ASPG: variants seen among roughly 807,000 people sequenced by gnomAD.
The protein encoded by ASPG is 60 kDa lysophospholipase.
Under a neutral mutation model 63.2 loss-of-function variants are expected in ASPG, and 53 were observed. The ratio of observed to expected loss-of-function variants is 0.84; its 90% CI spans 0.67 to 1.05. The LOEUF (loss-of-function observed/expected upper bound fraction) is 1.05. Ranked by LOEUF, ASPG falls within the 50% of genes least tolerant of loss-of-function variation. The pLI is 0.00. For missense variants in ASPG, 741 were observed against 794.4 expected (o/e 0.93, Z 0.81); for synonymous variants, 370 against 355.0 (o/e 1.04, Z -0.48).
chr14:104,094,784 C>T (rs918888008), intron 3 of ASPG, among the ~76,000 whole-genome samples: 4 of 152,234 alleles, frequency 2.6e-5, no homozygotes, highest in African/African-American at 9.6e-5. Context: ...AAGGCCTTCT[C>T]GGCTCAGGTG....
chr14:104,086,119 C>T (rs1388895839), intron 1 of ASPG, among the ~76,000 whole-genome samples: 1 of 152,174 alleles, frequency 6.6e-6, no homozygotes, highest in African/African-American at 2.4e-5. Context: ...CCTGTGCTGC[C>T]GCTGCGCCCC....
intron 1 of ASPG, among the ~76,000 whole-genome samples, chr14:104,087,240 GAATGGAACAAAGTCATTCACAGCT>G (rs2036245986): frequency 6.6e-6 from 1 of 152,234 alleles, no homozygotes; most frequent in Non-Finnish European, 1.5e-5. Context: ...TTCTGCCTGT[GAATGGAACAAAGTCATTCACAGCT>G]TGGCAAACGC....
chr14:104,100,322 T>C (rs1566832722), intron 6 of ASPG, among the ~76,000 whole-genome samples: 1 of 151,688 alleles, frequency 6.6e-6, no homozygotes, highest in Admixed American at 6.6e-5. Context: ...TGTGGGGCCG[T>C]CAGCAGAAGC....
intron 6 of ASPG, among the ~76,000 whole-genome samples, chr14:104,100,555 C>T (rs954926006): frequency 1.3e-5 from 2 of 152,150 alleles, no homozygotes; most frequent in Non-Finnish European, 2.9e-5. Flanking sequence ...CACCCCGTCC[C>T]TTCTTCCTGC....
At chr14:104,089,516 C>G (rs2036305148) in intron 1 of ASPG, among the ~76,000 whole-genome samples, 1 of 151,920 alleles carries the variant, frequency 6.6e-6, no homozygotes, top group South Asian at 2.1e-4. Context: ...GAGACCCTGT[C>G]TCAAACAAAC....
At chr14:104,098,613 C>A (rs984855245) in intron 5 of ASPG, among the ~76,000 whole-genome samples, 3 of 152,148 alleles carry the variant, frequency 2.0e-5, no homozygotes, top group African/African-American at 7.2e-5. Context: ...ACGCCCCAGG[C>A]CCTGGGGTCC....
chr14:104,099,005 GTGCC>G, intron 6 of ASPG, 26 bp downstream of exon 6: 7 of 1,563,274 alleles, frequency 4.5e-6, no homozygotes, highest in Non-Finnish European at 6.1e-6. Context: ...GCAGGGCCAG[GTGCC>G]TGCCCAGTGC....
At chr14:104,087,974 A>G (rs2036265186) in intron 1 of ASPG, among the ~76,000 whole-genome samples, 1 of 152,156 alleles carries the variant, frequency 6.6e-6, no homozygotes, top group Admixed American at 6.5e-5. Context: ...TGCTCTGTGC[A>G]CTGGGGTCCT....
intron 10 of ASPG, among the ~76,000 whole-genome samples, chr14:104,106,335 G>A (rs1488741217): frequency 6.6e-6 from 1 of 152,216 alleles, no homozygotes; most frequent in African/African-American, 2.4e-5. Flanking sequence ...TTGGCGTCTT[G>A]GGGAGCTCCT....
At chr14:104,089,082 G>A (rs1413944002) in intron 1 of ASPG, among the ~76,000 whole-genome samples, 2 of 152,068 alleles carry the variant, frequency 1.3e-5, no homozygotes, top group South Asian at 4.2e-4. Flanking sequence ...GTGCAGTGGC[G>A]CGATCTCAGC....
At chr14:104,103,750 T>A in intron 7 of ASPG, 75 bp downstream of exon 7, 1 of 1,310,536 alleles carries the variant, frequency 7.6e-7, no homozygotes, top group Non-Finnish European at 1.1e-6. Context: ...GCCCTCAGGC[T>A]CCCTGGGGCC....
chr14:104,110,391 G>T lies in ASPG; in HGVS notation c.1520+1076G>T. On this transcript the variant is annotated intron_variant, in intron 13 of 15. Transcript: ENST00000551177. The surrounding 1 kb of genome is among the most constrained non-coding windows in gnomAD (Gnocchi z 4.7). The stretch of plus-strand genomic sequence containing the variant: ...GGGACTTCCGGGGTGACTTGGTCAA[G>T]ATTTGCACTCCAGACAGGCCTTGCT... The T allele has an allele frequency of 1.0e-6, 1 of 985,410 alleles. No homozygotes were observed. The highest frequency in any genetic ancestry group is 1.2e-6 in the Non-Finnish European group (1 of 829,908). 61.0% of individuals were successfully genotyped at this position (985,410 alleles called of 1,614,324 possible).
rs953733565 is a variant in ASPG, at chr14:104,106,793, A to C, written c.1174-6A>C. 6.3e-7 allele frequency: 1 copy of C among 1,588,134 alleles called. No homozygotes were observed. The highest frequency in any genetic ancestry group is 8.6e-7 in the Non-Finnish European group (1 of 1,168,642). ...TGGGTCCCAGGGTGCCGCCTTCCCC[A>C]CCTAGGAGGCAGATGCCCTGCGGAA... On this transcript the variant is annotated splice_region_variant and splice_polypyrimidine_tract_variant and intron_variant, in intron 10 of 15. Transcript: ENST00000551177.
chr14:104,107,728 G>T (rs1266875751), intron 12 of ASPG, among the ~76,000 whole-genome samples: 3 of 152,208 alleles, frequency 2.0e-5, no homozygotes, highest in Non-Finnish European at 4.4e-5. Flanking sequence ...GCGTGTGGGG[G>T]TCCCCTGCCC....
chr14:104,111,970 G>C lies in ASPG; in HGVS notation c.1671G>C (p.Glu557Asp). 6.4e-7 allele frequency: 1 copy of C among 1,557,146 alleles called. No homozygotes were observed. The highest frequency in any genetic ancestry group is 1.2e-5 in the South Asian group (1 of 84,286). Reference protein sequence around the residue: ...LAVVAFLQSLEGAVGAQAPCP... With the variant: ...LAVVAFLQSLDGAVGAQAPCP... ...TGGTGGCCTTTCTACAGAGCCTGGA[G>C]GGTGCGGTTGGTGCCCAGGCCCCAT... Residue 557 changes from glutamate (E) to aspartate (D), a missense_variant, in exon 15 of 16, where the codon GAG (glutamate) becomes GAC (aspartate). Physicochemically the swap from Glu to Asp is conservative, Grantham distance 45. Transcript: ENST00000551177.
At chr14:104,093,105 G>A in intron 2 of ASPG, 1 of 474,506 alleles carries the variant, frequency 2.1e-6, no homozygotes, top group Non-Finnish European at 3.9e-6. Context: ...TCTGGGCCCA[G>A]CTCCCTGATG....
chr14:104,105,140 G>A lies in ASPG; in HGVS notation c.1051-188G>A, dbSNP rs533664936. 3.5e-6 allele frequency: 3 copies of A among 847,602 alleles called. No individual in the cohort carries two copies. In the African/African-American group the frequency reaches 5.1e-5, roughly 14 times the overall value. The allele number at this position is 847,602 out of a possible 1,614,324, so 52.5% of individuals were successfully genotyped here. On this transcript the variant is annotated intron_variant, in intron 9 of 15. Transcript: ENST00000551177. Reference sequence around the variant, plus strand: ...GGCCCCTGGAGACCCTGAGCTGGTAGGGCCAGGGAGTGGGGCTGGCCTTGG... The same window carrying A: ...GGCCCCTGGAGACCCTGAGCTGGTAAGGCCAGGGAGTGGGGCTGGCCTTGG...
At chr14:104,104,917 C>G (rs552230473) in intron 9 of ASPG, 182 bp downstream of exon 9, 1 of 608,436 alleles carries the variant, frequency 1.6e-6, no homozygotes, top group South Asian at 2.1e-5. Context: ...CCCAGGCTCC[C>G]CACAGCCCTC....
At chr14:104,105,529 G>A in intron 10 of ASPG, 79 bp downstream of exon 10, 2 of 1,460,712 alleles carry the variant, frequency 1.4e-6, no homozygotes, top group Non-Finnish European at 1.8e-6. Context: ...CACCAGGCAG[G>A]CACGAGCCCC....
Sources: allele counts gnomAD v4.1 joint callset (sites outside exome capture counted in the v4.1 genomes callset), GRCh38; gene constraint gnomAD v4.1.1; non-coding constraint Gnocchi (gnomAD v3.1); transcripts MANE v1.5; gene names NCBI Gene and HGNC (gene_info 2026-07-23, HGNC 2026-07-21).